Variants in ALX4 observed in about 807,000 individuals in gnomAD.
The protein encoded by ALX4 is ALX homeobox 4, also known as homeobox protein aristaless-like 4.
Under a neutral mutation model 40.6 loss-of-function variants are expected in ALX4, and 22 were observed. The ratio of observed to expected loss-of-function variants is 0.54; its 90% CI spans 0.39 to 0.77. The LOEUF (loss-of-function observed/expected upper bound fraction) is 0.77. ALX4 is among the 30% of genes least tolerant of loss of function. ALX4 has a pLI of 0.00. For missense variants in ALX4, 556 were observed against 564.8 expected (o/e 0.98, Z 0.16); for synonymous variants, 266 against 240.5 (o/e 1.11, Z -0.98).
At chr11:44,284,906 C>T (rs1956329602) in intron 1 of ALX4, among the ~76,000 whole-genome samples, 2 of 151,912 alleles carry the variant, frequency 1.3e-5, no homozygotes, top group Admixed American at 1.3e-4. Context: ...AAATCACTCA[C>T]ACACATACAC....
At chr11:44,273,975 A>G (rs1443444858) in intron 2 of ALX4, among the ~76,000 whole-genome samples, 1 of 151,580 alleles carries the variant, frequency 6.6e-6, no homozygotes, top group Non-Finnish European at 1.5e-5. Flanking sequence ...AAACAAAAAT[A>G]CCCAAAAGAT....
chr11:44,299,353 G>GT (rs1271706176), intron 1 of ALX4, among the ~76,000 whole-genome samples: 1 of 143,160 alleles, frequency 7.0e-6, no homozygotes, highest in African/African-American at 2.6e-5. Flanking sequence ...TGGGGGCCAT[G>GT]GTTTTTTTTT....
At chr11:44,289,710 G>T (rs900733369) in intron 1 of ALX4, among the ~76,000 whole-genome samples, 6 of 152,188 alleles carry the variant, frequency 3.9e-5, no homozygotes, top group African/African-American at 1.4e-4. Context: ...GCCCATGTAT[G>T]ATCTAACACT....
chr11:44,295,205 C>G (rs1956396307), intron 1 of ALX4, among the ~76,000 whole-genome samples: 1 of 152,156 alleles, frequency 6.6e-6, no homozygotes, highest in African/African-American at 2.4e-5. Flanking sequence ...AACAGGTAGA[C>G]ATGATTCTTA....
chr11:44,270,518 G>T (rs1161743272), intron 2 of ALX4, among the ~76,000 whole-genome samples: 1 of 152,088 alleles, frequency 6.6e-6, no homozygotes, highest in Non-Finnish European at 1.5e-5. Context: ...TAAATTGGAG[G>T]CAGCAAGGGT....
At position 44,263,812 on chromosome 11, in the gene ALX4, G is replaced by A. The variant is rs1956196192; in HGVS notation, c.*1042C>T. The A allele has an allele frequency of 6.6e-6, 1 of 152,380 alleles. No homozygotes were observed. The highest frequency in any genetic ancestry group is 2.1e-4 in the South Asian group (1 of 4,834). 9.4% of individuals were successfully genotyped at this position (152,380 alleles called of 1,614,324 possible). Reference sequence around the variant, plus strand: ...GCTCTAGCTTATGTGTTCCGAAGTTGTGAGTCCTTCCATGCCGGGACACTG... The same window carrying A: ...GCTCTAGCTTATGTGTTCCGAAGTTATGAGTCCTTCCATGCCGGGACACTG... On this transcript the variant is annotated 3_prime_UTR_variant, in exon 4 of 4. Coordinates refer to ENST00000652299, the MANE Select transcript of ALX4 (RefSeq NM_021926.4).
Position 44,263,490 on chromosome 11 carries a change from C to G in ALX4, c.*1364G>C, listed in dbSNP as rs1956194289. On this transcript the variant is annotated 3_prime_UTR_variant, in exon 4 of 4. Transcript: ENST00000652299. ...GCAATAGCAAAGCCACACCGAGGAG[C>G]CCAGGCCAGGAGCCCTTCCGCAGGC... is the stretch of plus-strand genomic sequence containing the variant. The G allele has an allele frequency of 6.6e-6, 1 of 152,332 alleles. No individual in the cohort carries two copies. Among genetic ancestry groups the G allele is most frequent in the South Asian group, 2.1e-4 (1 of 4,834 alleles). The allele number at this position is 152,332 out of a possible 1,614,324, so 9.4% of individuals were successfully genotyped here.
chr11:44,287,746 A>C (rs1343940903), intron 1 of ALX4, among the ~76,000 whole-genome samples: 4 of 152,164 alleles, frequency 2.6e-5, no homozygotes, highest in African/African-American at 7.2e-5. Context: ...GACAGGGTCA[A>C]GGAGGAAGGG....
intron 2 of ALX4, among the ~76,000 whole-genome samples, chr11:44,270,654 C>T (rs1294444733): frequency 1.3e-5 from 2 of 152,158 alleles, no homozygotes; most frequent in African/African-American, 4.8e-5. Context: ...AACCCCCACG[C>T]CCGTTCCTGT....
At chr11:44,298,330 G>T (rs1051626534) in intron 1 of ALX4, among the ~76,000 whole-genome samples, 58 of 152,326 alleles carry the variant, frequency 3.8e-4, no homozygotes, top group Non-Finnish European at 2.8e-4. Flanking sequence ...GCTGGGAAGA[G>T]CCCAGGCCTT....
chr11:44,289,805 C>T (rs1449807852), intron 1 of ALX4, among the ~76,000 whole-genome samples: 2 of 152,182 alleles, frequency 1.3e-5, no homozygotes, highest in Non-Finnish European at 2.9e-5. Flanking sequence ...CAGCTTCTCT[C>T]CTCAAGGAGG....
intron 1 of ALX4, among the ~76,000 whole-genome samples, chr11:44,290,450 G>C (rs1209553680): frequency 6.6e-6 from 1 of 152,226 alleles, no homozygotes; most frequent in Non-Finnish European, 1.5e-5. Context: ...ATAAAGCCCA[G>C]TAAAACACAG....
At chr11:44,273,190 TA>T (rs35856858) in intron 2 of ALX4, among the ~76,000 whole-genome samples, 67,257 of 137,148 alleles carry the variant, frequency 0.49, 16,626 homozygotes, top group Admixed American at 0.59. Flanking sequence ...CTTTGCTGAT[TA>T]AAAAAAAAAA....
rs1208168162 is a variant in ALX4 at position 44,262,443 on chromosome 11, CAG to C, written c.*2409_*2410del. On this transcript the variant is annotated 3_prime_UTR_variant, in exon 4 of 4. Coordinates refer to ENST00000652299, the MANE Select transcript of ALX4 (RefSeq NM_021926.4). ...GTGTTGGGACAGGCAGCCATAGCCA[CAG>C]AGTCTTCTAATAGACGCCTTTTCTT... The C allele has an allele frequency of 1.3e-5, 2 of 152,334 alleles. No homozygotes were observed. Among genetic ancestry groups the C allele is most frequent in the African/African-American group, 4.8e-5 (2 of 41,468 alleles). The allele number at this position is 152,334 out of a possible 1,614,324, so 9.4% of individuals were successfully genotyped here.
At chr11:44,279,177 G>T (rs935390207) in intron 1 of ALX4, among the ~76,000 whole-genome samples, 1 of 152,114 alleles carries the variant, frequency 6.6e-6, no homozygotes, top group Admixed American at 6.5e-5. Flanking sequence ...CAGGACAGCA[G>T]AACTACTCAT....
At chr11:44,297,342 A>G (rs1956408536) in intron 1 of ALX4, among the ~76,000 whole-genome samples, 1 of 152,256 alleles carries the variant, frequency 6.6e-6, no homozygotes. Context: ...AACCATGCAA[A>G]GAACACTCAG....
In ALX4 at chr11:44,301,619, G is replaced by C. The variant is rs529315857; in HGVS notation, c.466+7978C>G. Among the ~76,000 whole-genome samples, 37 of 152,348 alleles carry C rather than the reference G, an allele frequency of 2.4e-4. 1 individual carries two copies. The South Asian group carries it at 7.7e-3, about 32-fold the overall frequency. ...GCATCTGCCCTATTTGATGCACAGAGAGAGTGCAACTTACTGGACTTATTG... is the reference window on the plus strand; with the variant it reads ...GCATCTGCCCTATTTGATGCACAGACAGAGTGCAACTTACTGGACTTATTG... On this transcript the variant is annotated intron_variant, in intron 1 of 3. Transcript: ENST00000652299.
chr11:44,307,634 A>G (rs1956476811), intron 1 of ALX4, among the ~76,000 whole-genome samples: 2 of 152,246 alleles, frequency 1.3e-5, no homozygotes, highest in South Asian at 4.1e-4. Context: ...ATGCAGGATG[A>G]ACCTCCATGG....
intron 1 of ALX4, among the ~76,000 whole-genome samples, chr11:44,280,111 C>G (rs945611113): frequency 6.6e-6 from 1 of 152,158 alleles, no homozygotes; most frequent in Admixed American, 6.5e-5. Flanking sequence ...AAAAAGGGCA[C>G]GCAATGACGA....
Sources: allele counts gnomAD v4.1 joint callset (sites outside exome capture counted in the v4.1 genomes callset), GRCh38; gene constraint gnomAD v4.1.1; transcripts MANE v1.5; gene names NCBI Gene and HGNC (gene_info 2026-07-23, HGNC 2026-07-21).